The following OR4D1 variants were observed in gnomAD, a reference collection of about 807,000 sequenced individuals.
OR4D1 encodes the protein olfactory receptor family 4 subfamily D member 1, also known as olfactory receptor 4D1.
In OR4D1, 10 loss-of-function variants were observed where a neutral mutation model predicts 14.2. The observed-to-expected ratio is 0.71, with a 90% confidence interval of 0.44 to 1.20. The LOEUF (loss-of-function observed/expected upper bound fraction) is 1.20, where lower values mean the gene tolerates loss of function less well. Ranked by LOEUF, OR4D1 falls within the 50% of genes most tolerant of loss-of-function variation. OR4D1 has a pLI of 0.00. For missense variants in OR4D1, 345 were observed against 376.6 expected (o/e 0.92, Z 0.70); for synonymous variants, 141 against 147.4 (o/e 0.96, Z 0.32).
At position 58,157,519 on chromosome 17, in the gene OR4D1, G is replaced by A. The variant is rs2051292474; in HGVS notation, c.*1433G>A. ...AGTACCTCTCCATTGCAGAGGGTGC[G>A]GACTTCTCCAGCTCTCCGAACCTCA... On this transcript the variant is annotated 3_prime_UTR_variant, in exon 4 of 4. Transcript: ENST00000268912. 2.3e-6 allele frequency: 3 copies of A among 1,306,860 alleles called. No homozygotes were observed. Among genetic ancestry groups the A allele is most frequent in the Admixed American group, 1.7e-5 (1 of 58,750 alleles). The allele number at this position is 1,306,860 out of a possible 1,614,324, so 81.0% of individuals were successfully genotyped here. A position where few individuals can be genotyped will look rare whatever the true frequency, so the allele number is the denominator to read the frequency against.
rs1232461287 is a variant in OR4D1 at position 58,155,381 on chromosome 17, C to T, written c.228C>T (p.Val76=). 1.2e-6 allele frequency: 2 copies of T among 1,614,016 alleles called. No individual in the cohort carries two copies. Among genetic ancestry groups the T allele is most frequent in the East Asian group, 4.5e-5 (2 of 44,896 alleles). ...LALIDLCYST[V]TSPKMLVDFL... Reference sequence around the variant, plus strand: ...TCATAGACCTCTGCTATTCCACAGTCACCTCTCCAAAGATGCTGGTGGACT... The same window carrying T: ...TCATAGACCTCTGCTATTCCACAGTTACCTCTCCAAAGATGCTGGTGGACT... The change falls in exon 4 of 4, where the codon GTC becomes GTT. Residue 76 remains valine, a synonymous_variant. Coordinates refer to ENST00000268912, the MANE Select transcript of OR4D1 (RefSeq NM_001386095.1).
At position 58,157,205 on chromosome 17, in the gene OR4D1, C is replaced by T. The variant is rs891401899; in HGVS notation, c.*1119C>T. 1.3e-5 allele frequency: 19 copies of T among 1,461,676 alleles called. No individual in the cohort carries two copies. In the African/African-American group the frequency reaches 2.3e-4, roughly 18 times the overall value. The allele number at this position is 1,461,676 out of a possible 1,614,324, so 90.5% of individuals were successfully genotyped here. On this transcript the variant is annotated 3_prime_UTR_variant, in exon 4 of 4. Coordinates refer to ENST00000268912, the MANE Select transcript of OR4D1 (RefSeq NM_001386095.1). The stretch of plus-strand genomic sequence containing the variant: ...AGGCATCCCCAGTGCCGGCCAAAAG[C>T]GCCTCTTCCGGGGCCACCCTGCGGC...
chr17:58,150,180 G>T (rs1211060886), intron 2 of OR4D1, among the ~76,000 whole-genome samples: 1 of 151,748 alleles, frequency 6.6e-6, no homozygotes, highest in Non-Finnish European at 1.5e-5. Flanking sequence ...GATGGACCTG[G>T]AAAGAAAGGT....
rs1435796620 is a variant in OR4D1, at chr17:58,157,754, G to A, written c.*1668G>A. 2.5e-6 allele frequency: 4 copies of A among 1,612,702 alleles called. No homozygotes were observed. The highest frequency in any genetic ancestry group is 2.2e-5 in the East Asian group (1 of 44,874). On this transcript the variant is annotated 3_prime_UTR_variant, in exon 4 of 4. Transcript: ENST00000268912. Reference sequence around the variant, plus strand: ...TAGACCTGTGCTTCCCATCCCGCCCGTGGGACTCTATGCCACGCCAGTGGG... The same window carrying A: ...TAGACCTGTGCTTCCCATCCCGCCCATGGGACTCTATGCCACGCCAGTGGG...
At position 58,157,445 on chromosome 17, in the gene OR4D1, T is replaced by G; in HGVS notation, c.*1359T>G. The stretch of plus-strand genomic sequence containing the variant: ...GACCAATCCGAAGCCGCGCACAGCC[T>G]TTACCACGTCCCAGCTCCTCGCTCT... On this transcript the variant is annotated 3_prime_UTR_variant, in exon 4 of 4. Coordinates refer to ENST00000268912, the MANE Select transcript of OR4D1 (RefSeq NM_001386095.1). 1 of 1,108,078 alleles carries G rather than the reference T, an allele frequency of 9.0e-7. No individual in the cohort carries two copies. Among genetic ancestry groups the G allele is most frequent in the East Asian group, 2.4e-5 (1 of 41,674 alleles). 68.6% of individuals were successfully genotyped at this position (1,108,078 alleles called of 1,614,324 possible).
chr17:58,150,245 C>T (rs1360186200), intron 2 of OR4D1, among the ~76,000 whole-genome samples: 1 of 152,096 alleles, frequency 6.6e-6, no homozygotes, highest in Admixed American at 6.5e-5. Context: ...AAATTCCTTC[C>T]TGTAGACAAT....
In OR4D1 at chr17:58,157,369, G is replaced by C. The variant is rs189701007; in HGVS notation, c.*1283G>C. 1.0e-5 allele frequency: 14 copies of C among 1,363,206 alleles called. No homozygotes were observed. In the African/African-American group the frequency reaches 1.6e-4, roughly 16 times the overall value. 84.4% of individuals were successfully genotyped at this position (1,363,206 alleles called of 1,614,324 possible). A position where few individuals can be genotyped will look rare whatever the true frequency, so the allele number is the denominator to read the frequency against. ...GATGCAGGAACCCTGCTGATAATTC[G>C]CCGCCGCCAAGACACGTGAGCCCTA... On this transcript the variant is annotated 3_prime_UTR_variant, in exon 4 of 4. Transcript: ENST00000268912.
Position 58,157,414 on chromosome 17 carries a change from A to T in OR4D1, c.*1328A>T. On this transcript the variant is annotated 3_prime_UTR_variant, in exon 4 of 4. Transcript: ENST00000268912. ...GCCCTACCACCTGCACCCTGAGAAAACACAAGACCAATCCGAAGCCGCGCA... is the reference window on the plus strand; with the variant it reads ...GCCCTACCACCTGCACCCTGAGAAATCACAAGACCAATCCGAAGCCGCGCA... 1.7e-6 allele frequency: 2 copies of T among 1,168,182 alleles called. No individual in the cohort carries two copies. The highest frequency in any genetic ancestry group is 2.5e-6 in the Non-Finnish European group (2 of 791,674). The allele number at this position is 1,168,182 out of a possible 1,614,324, so 72.4% of individuals were successfully genotyped here. A position where few individuals can be genotyped will look rare whatever the true frequency, so the allele number is the denominator to read the frequency against.
chr17:58,155,473 T>C lies in OR4D1; in HGVS notation c.320T>C (p.Leu107Ser). 1 of 1,614,126 alleles carries C rather than the reference T, an allele frequency of 6.2e-7. No homozygotes were observed. The highest frequency in any genetic ancestry group is 8.5e-7 in the Non-Finnish European group (1 of 1,179,982). The change falls in exon 4 of 4, where the codon TTG (leucine) becomes TCG (serine). Residue 107 changes from leucine to serine, a missense_variant. Coordinates refer to ENST00000268912, the MANE Select transcript of OR4D1 (RefSeq NM_001386095.1). ...CMAQIFFFHLLGGGTVFFLSV... is the reference protein window; with the variant it reads ...CMAQIFFFHLSGGGTVFFLSV... ...GCCCAGATCTTCTTCTTCCACCTTT[T>C]GGGAGGTGGGACTGTCTTTTTTCTC...
In OR4D1 at chr17:58,157,831, A is replaced by G. The variant is rs772843567; in HGVS notation, c.*1745A>G. The G allele has an allele frequency of 3.1e-6, 5 of 1,587,822 alleles. No individual in the cohort carries two copies. Among genetic ancestry groups the G allele is most frequent in the Non-Finnish European group, 4.3e-6 (5 of 1,166,638 alleles). ...GAAGACCAGATCAATAGACTCCATG[A>G]TGGATGTTTGTTTCAAAGGGTTTCC... On this transcript the variant is annotated 3_prime_UTR_variant, in exon 4 of 4. Transcript: ENST00000268912.
chr17:58,157,892 CCTGTT>C lies in OR4D1; in HGVS notation c.*1810_*1814del. 1 of 1,298,806 alleles carries C rather than the reference CCTGTT, an allele frequency of 7.7e-7. No individual in the cohort carries two copies. 80.5% of individuals were successfully genotyped at this position (1,298,806 alleles called of 1,614,324 possible). A position where few individuals can be genotyped will look rare whatever the true frequency, so the allele number is the denominator to read the frequency against. The stretch of plus-strand genomic sequence containing the variant: ...CAAGAAGGCAGGACCAGCCAATACT[CCTGTT>C]CTGCAAACCCTGAGTGCACCACCCT... On this transcript the variant is annotated 3_prime_UTR_variant, in exon 4 of 4. Transcript: ENST00000268912.
Position 58,157,668 on chromosome 17 carries a change from C to T in OR4D1, c.*1582C>T. 6.2e-7 allele frequency: 1 copy of T among 1,613,944 alleles called. No homozygotes were observed. Among genetic ancestry groups the T allele is most frequent in the Non-Finnish European group, 8.5e-7 (1 of 1,179,848 alleles). On this transcript the variant is annotated 3_prime_UTR_variant, in exon 4 of 4. Coordinates refer to ENST00000268912, the MANE Select transcript of OR4D1 (RefSeq NM_001386095.1). ...ATGCTACCCTCCAGCTTCAGTCTCCCTTTCCCCATCAGCTCGCCCCTGCAG... is the reference window on the plus strand; with the variant it reads ...ATGCTACCCTCCAGCTTCAGTCTCCTTTTCCCCATCAGCTCGCCCCTGCAG...
intron 1 of OR4D1, among the ~76,000 whole-genome samples, chr17:58,148,927 C>G (rs1408317157): frequency 6.6e-6 from 1 of 152,200 alleles, no homozygotes; most frequent in Non-Finnish European, 1.5e-5. Context: ...CTCACTCACT[C>G]CAGATTTTCT....
rs1327498802 is a variant in OR4D1, at chr17:58,157,143, G to A, written c.*1057G>A. 16 of 1,467,028 alleles carry A rather than the reference G, an allele frequency of 1.1e-5. No homozygotes were observed. Among genetic ancestry groups the A allele is most frequent in the Non-Finnish European group, 1.4e-5 (15 of 1,104,886 alleles). The allele number at this position is 1,467,028 out of a possible 1,614,324, so 90.9% of individuals were successfully genotyped here. On this transcript the variant is annotated 3_prime_UTR_variant, in exon 4 of 4. Coordinates refer to ENST00000268912, the MANE Select transcript of OR4D1 (RefSeq NM_001386095.1). Reference sequence around the variant, plus strand: ...CAAGGTCTCCAGCCTGCCCTACAGTGTGGATGCGCTCGTGTCGGACAAGAA... The same window carrying A: ...CAAGGTCTCCAGCCTGCCCTACAGTATGGATGCGCTCGTGTCGGACAAGAA...
chr17:58,151,605 A>C (rs1967705963), intron 2 of OR4D1, among the ~76,000 whole-genome samples: 1 of 152,236 alleles, frequency 6.6e-6, no homozygotes. Flanking sequence ...CAATAGAGCT[A>C]TCTTTTCACA....
chr17:58,155,999 C>T lies in OR4D1; in HGVS notation c.846C>T (p.Leu282=). ...GCTACACAGTCATGACCCCCATGCT[C>T]AACCCCATGATCTACACCCTGAGAA... is the stretch of plus-strand genomic sequence containing the variant. The part of the protein sequence containing the change: ...SISYTVMTPM[L]NPMIYTLRNQ... The change falls in exon 4 of 4, where the codon CTC becomes CTT. Residue 282 remains leucine, a synonymous_variant. Transcript: ENST00000268912. 1 of 1,558,460 alleles carries T rather than the reference C, an allele frequency of 6.4e-7. No homozygotes were observed. Among genetic ancestry groups the T allele is most frequent in the Admixed American group, 1.8e-5 (1 of 56,620 alleles).
chr17:58,156,025 A>G lies in OR4D1; in HGVS notation c.872A>G (p.Asn291Ser). ...MLNPMIYTLRNQDMKAAMRRL... is the reference protein window; with the variant it reads ...MLNPMIYTLRSQDMKAAMRRL... ...AACCCCATGATCTACACCCTGAGAA[A>G]CCAGGACATGAAAGCAGCCATGAGG... Residue 291 changes from asparagine (N) to serine (S), a missense_variant, in exon 4 of 4, where the codon AAC (asparagine) becomes AGC (serine). Asn to Ser is a conservative substitution (Grantham distance 46). Transcript: ENST00000268912. The G allele has an allele frequency of 6.2e-7, 1 of 1,614,072 alleles. No homozygotes were observed. Among genetic ancestry groups the G allele is most frequent in the Non-Finnish European group, 8.5e-7 (1 of 1,179,986 alleles).
chr17:58,154,490 C>T (rs1967740459), intron 3 of OR4D1, among the ~76,000 whole-genome samples: 1 of 152,198 alleles, frequency 6.6e-6, no homozygotes, highest in African/African-American at 2.4e-5. Context: ...ACAAATGCTA[C>T]TACAGAAGTA....
At chr17:58,152,227 A>G (rs1307652549) in intron 2 of OR4D1, among the ~76,000 whole-genome samples, 2 of 151,930 alleles carry the variant, frequency 1.3e-5, no homozygotes, top group African/African-American at 4.8e-5. Flanking sequence ...CTGCTCTCGA[A>G]CTCCTGACCT....
Sources: gnomAD v4.1 joint callset for allele counts (sites outside exome capture counted in the v4.1 genomes callset) on GRCh38, gnomAD v4.1.1 for gene constraint, MANE v1.5 for transcripts, NCBI Gene and HGNC (gene_info 2026-07-23, HGNC 2026-07-21) for gene names.